Variants in PSAP observed in about 807,000 individuals in gnomAD.
PSAP encodes the protein precursor of saposins.
PSAP carries 25 observed loss-of-function variants against 66.0 expected under a neutral mutation model. That is an observed-to-expected ratio of 0.38 (90% confidence interval 0.28 to 0.53). The LOEUF (loss-of-function observed/expected upper bound fraction) is 0.53, where lower values mean the gene tolerates loss of function less well. Ranked by LOEUF, PSAP falls within the 20% of genes least tolerant of loss-of-function variation. The pLI is 0.83. For synonymous variants in PSAP, 273 were observed against 258.9 expected (o/e 1.05, Z -0.52); for missense variants, 649 against 668.8 (o/e 0.97, Z 0.33).
chr10:71,833,356 G>T (rs1221094710), intron 2 of PSAP, among the ~76,000 whole-genome samples: 4 of 152,102 alleles, frequency 2.6e-5, no homozygotes, highest in Non-Finnish European at 2.9e-5. Context: ...TACTCAGGAG[G>T]CTGAGGTGGG....
At chr10:71,823,692 C>T (rs1842347286) in intron 7 of PSAP, among the ~76,000 whole-genome samples, 1 of 152,088 alleles carries the variant, frequency 6.6e-6, no homozygotes, top group Admixed American at 6.6e-5. Context: ...AGATGAGACC[C>T]CCAAAACCTC....
At chr10:71,818,305 C>T (rs1354645735) in intron 13 of PSAP, among the ~76,000 whole-genome samples, 1 of 152,178 alleles carries the variant, frequency 6.6e-6, no homozygotes, top group Non-Finnish European at 1.5e-5. Flanking sequence ...CTTGTACAAT[C>T]CCTGGAGTGA....
At chr10:71,820,192 G>A in intron 9 of PSAP, 48 bp downstream of exon 9, 1 of 1,509,602 alleles carries the variant, frequency 6.6e-7, no homozygotes, top group South Asian at 1.1e-5. Context: ...GGACATTCAG[G>A]CTCGGGGGGG....
chr10:71,848,238 C>G (rs1197796642), intron 1 of PSAP, among the ~76,000 whole-genome samples: 1 of 152,236 alleles, frequency 6.6e-6, no homozygotes, highest in Non-Finnish European at 1.5e-5. Flanking sequence ...TACTGCACTG[C>G]TCCCCAACCT....
Position 71,828,125 on chromosome 10 carries a change from C to T in PSAP, c.609G>A (p.Gln203=), listed in dbSNP as rs1842430531. ...CAGCAGTCTGGATGTCAGTCACCAT[C>T]TGAATGCAGTCCTGGCAAACGTCCC... is the stretch of plus-strand genomic sequence containing the variant. ...DNGDVCQDCI[Q]MVTDIQTAVR... is the part of the protein sequence containing the mutation. The change falls in exon 6 of 14, where the codon CAG becomes CAA. Residue 203 remains glutamine, a synonymous_variant. Transcript: ENST00000394936. The T allele has an allele frequency of 3.1e-6, 5 of 1,614,212 alleles. No individual in the cohort carries two copies. Among genetic ancestry groups the T allele is most frequent in the Non-Finnish European group, 4.2e-6 (5 of 1,180,048 alleles).
chr10:71,842,991 C>T (rs1842754416), intron 1 of PSAP, among the ~76,000 whole-genome samples: 1 of 152,178 alleles, frequency 6.6e-6, no homozygotes. Context: ...CAATGCTAAG[C>T]ACCTGTTATG....
At chr10:71,830,265 T>C (rs892079745) in intron 4 of PSAP, among the ~76,000 whole-genome samples, 1 of 152,198 alleles carries the variant, frequency 6.6e-6, no homozygotes, top group Non-Finnish European at 1.5e-5. Flanking sequence ...GAGACATTTA[T>C]AGCTCTTCCT....
chr10:71,818,512 A>C, intron 13 of PSAP, 105 bp downstream of exon 13: 1 of 1,025,808 alleles, frequency 9.7e-7, no homozygotes, highest in Non-Finnish European at 1.5e-6. Flanking sequence ...GATAACATAA[A>C]AGCAGGGTGG....
At chr10:71,840,227 T>G (rs1346974022) in intron 1 of PSAP, among the ~76,000 whole-genome samples, 1 of 149,620 alleles carries the variant, frequency 6.7e-6, no homozygotes, top group African/African-American at 2.5e-5. Context: ...AGCCTCCCAG[T>G]GCTGACAATC....
At chr10:71,825,633 G>A in intron 7 of PSAP, 1 of 685,520 alleles carries the variant, frequency 1.5e-6, no homozygotes, top group South Asian at 1.5e-5. Context: ...CTGGGATCAA[G>A]ATGCTTCAGC....
At chr10:71,821,089 G>A (rs1444439024) in intron 8 of PSAP, among the ~76,000 whole-genome samples, 1 of 152,240 alleles carries the variant, frequency 6.6e-6, no homozygotes, top group Non-Finnish European at 1.5e-5. Flanking sequence ...GCACCCGGTG[G>A]AGAGGAAGGC....
At chr10:71,834,272 G>A (rs1291410650) in intron 2 of PSAP, 100 bp downstream of exon 2, 1 of 1,577,300 alleles carries the variant, frequency 6.3e-7, no homozygotes, top group Non-Finnish European at 8.6e-7. Flanking sequence ...ACAAAACAAG[G>A]CAAGAAAAAG....
At chr10:71,821,605 CT>C (rs1378768190) in intron 8 of PSAP, among the ~76,000 whole-genome samples, 2 of 152,158 alleles carry the variant, frequency 1.3e-5, no homozygotes, top group Non-Finnish European at 2.9e-5. Flanking sequence ...GCAAAGTCAC[CT>C]TTGAATGGCA....
intron 1 of PSAP, among the ~76,000 whole-genome samples, chr10:71,847,140 C>T (rs1261704128): frequency 6.6e-6 from 1 of 152,116 alleles, no homozygotes; most frequent in African/African-American, 2.4e-5. Flanking sequence ...CACACTTCAA[C>T]TCTCATAGTT....
intron 1 of PSAP, among the ~76,000 whole-genome samples, chr10:71,837,462 C>A (rs1013289966): frequency 5.3e-5 from 8 of 152,244 alleles, no homozygotes; most frequent in African/African-American, 1.9e-4. Context: ...ACACACATTT[C>A]TCCTAGCACT....
intron 1 of PSAP, among the ~76,000 whole-genome samples, chr10:71,837,968 C>T (rs1842658484): frequency 6.6e-6 from 1 of 152,140 alleles, no homozygotes; most frequent in African/African-American, 2.4e-5. Flanking sequence ...GTCTCACCTG[C>T]CCCACACACC....
chr10:71,828,098 T>G lies in PSAP; in HGVS notation c.636A>C (p.Val212=). The G allele has an allele frequency of 6.2e-7, 1 of 1,614,134 alleles. No individual in the cohort carries two copies. Among genetic ancestry groups the G allele is most frequent in the Non-Finnish European group, 8.5e-7 (1 of 1,180,016 alleles). Residue 212 remains valine, a synonymous_variant, in exon 6 of 14, where the codon GTA becomes GTC. Coordinates refer to ENST00000394936, the MANE Select transcript of PSAP (RefSeq NM_002778.4). The part of the protein sequence containing the change: ...IQMVTDIQTA[V]RTNSTFVQAL... ...CCTGGACAAAGGTGGAGTTGGTCCG[T>G]ACAGCAGTCTGGATGTCAGTCACCA...
At chr10:71,841,102 T>A (rs980689464) in intron 1 of PSAP, among the ~76,000 whole-genome samples, 1 of 152,210 alleles carries the variant, frequency 6.6e-6, no homozygotes, top group East Asian at 1.9e-4. Flanking sequence ...TCCAGCCAAG[T>A]GAGCAAGTGG....
chr10:71,830,000 A>T (rs1229412954), intron 4 of PSAP, among the ~76,000 whole-genome samples: 3 of 152,118 alleles, frequency 2.0e-5, no homozygotes, highest in African/African-American at 4.8e-5. Context: ...CAGTCTCAAA[A>T]AAATAAATAA....
Sources: allele counts gnomAD v4.1 joint callset (sites outside exome capture counted in the v4.1 genomes callset), GRCh38; gene constraint gnomAD v4.1.1; transcripts MANE v1.5; gene names NCBI Gene and HGNC (gene_info 2026-07-23, HGNC 2026-07-21).